IL16: variants seen among roughly 807,000 people sequenced by gnomAD.
IL16 encodes pro-interleukin-16.
A neutral mutation model predicts 110.1 loss-of-function variants in IL16; 67 were observed. The observed-to-expected ratio is 0.61, with a 90% CI of 0.50 to 0.75. The LOEUF is 0.75. Ranked by LOEUF, IL16 falls within the 30% of genes least tolerant of loss-of-function variation. IL16 has a pLI of 0.00. For missense variants in IL16, 1,545 were observed against 1,655.0 expected (o/e 0.93, Z 1.15); for synonymous variants, 689 against 662.9 (o/e 1.04, Z -0.61).
At chr15:81,186,348 A>G (rs1895418762) in intron 1 of IL16, among the ~76,000 whole-genome samples, 1 of 152,234 alleles carries the variant, frequency 6.6e-6, no homozygotes, top group Admixed American at 6.5e-5. Flanking sequence ...AGGGAGTTTA[A>G]CCAGGTGGTG....
intron 9 of IL16, among the ~76,000 whole-genome samples, chr15:81,284,110 A>G (rs1899329680): frequency 6.6e-6 from 1 of 152,160 alleles, no homozygotes; most frequent in African/African-American, 2.4e-5. Flanking sequence ...TATTTTTTAT[A>G]AATAATTTCT....
intron 2 of IL16, among the ~76,000 whole-genome samples, chr15:81,248,582 T>C (rs983145884): frequency 1.3e-5 from 2 of 150,564 alleles, no homozygotes; most frequent in African/African-American, 4.8e-5. Context: ...AATTATTTCA[T>C]GTTTAATACT....
At chr15:81,284,453 C>T (rs1360633115) in intron 9 of IL16, among the ~76,000 whole-genome samples, 1 of 152,150 alleles carries the variant, frequency 6.6e-6, no homozygotes, top group Non-Finnish European at 1.5e-5. Context: ...ACTGCAGGTT[C>T]CATGTGGTTG....
intron 2 of IL16, among the ~76,000 whole-genome samples, chr15:81,231,246 G>A (rs549338340): frequency 1.3e-5 from 2 of 151,704 alleles, no homozygotes; most frequent in African/African-American, 4.8e-5. Flanking sequence ...GCAAGCAGGC[G>A]GGCAGGAAAG....
intron 2 of IL16, among the ~76,000 whole-genome samples, chr15:81,226,256 G>A (rs1896785106): frequency 6.6e-6 from 1 of 152,194 alleles, no homozygotes; most frequent in Non-Finnish European, 1.5e-5. Flanking sequence ...CATCAATAGG[G>A]GAGGGGGAAA....
In IL16 at chr15:81,231,037, T is replaced by A. The variant is rs556338494; in HGVS notation, c.312+5326T>A. Among the ~76,000 whole-genome samples, 20 of 152,062 alleles carry A rather than the reference T, an allele frequency of 1.3e-4. 1 individual carries two copies. In the South Asian group the frequency reaches 1.7e-3, roughly 13 times the overall value. ...TCAGAAGTCAAACCTGGCCCCAGAT[T>A]CACAAATAAATCATTTTCTGGCTGG... On this transcript the variant is annotated intron_variant, in intron 2 of 18. Transcript: ENST00000683961.
intron 1 of IL16, among the ~76,000 whole-genome samples, chr15:81,205,358 C>G (rs578068956): frequency 1.8e-4 from 28 of 151,974 alleles, no homozygotes; most frequent in African/African-American, 6.8e-4. Flanking sequence ...ATGATGTCCC[C>G]TAAATAGTCA....
chr15:81,216,342 G>GT (rs1278888099), intron 1 of IL16, among the ~76,000 whole-genome samples: 1 of 152,182 alleles, frequency 6.6e-6, no homozygotes, highest in Non-Finnish European at 1.5e-5. Flanking sequence ...GCATCCTTCA[G>GT]TTCCCTCACT....
chr15:81,289,945 G>T, intron 10 of IL16: 1 of 453,438 alleles, frequency 2.2e-6, no homozygotes, highest in South Asian at 1.6e-5. Context: ...AACTTGTCTA[G>T]GTGTTCACAC....
intron 2 of IL16, among the ~76,000 whole-genome samples, chr15:81,248,724 T>C (rs1272452330): frequency 7.0e-6 from 1 of 142,868 alleles, no homozygotes; most frequent in African/African-American, 2.6e-5. Context: ...TCTTTCTTTT[T>C]TTTTTTTTTT....
At chr15:81,206,859 T>A (rs1896035232) in intron 1 of IL16, among the ~76,000 whole-genome samples, 1 of 145,090 alleles carries the variant, frequency 6.9e-6, no homozygotes, top group Admixed American at 6.8e-5. Context: ...AATTTCGGGC[T>A]TTAAATAATG....
At chr15:81,289,143 T>C (rs1281819794) in intron 10 of IL16, among the ~76,000 whole-genome samples, 1 of 152,104 alleles carries the variant, frequency 6.6e-6, no homozygotes, top group Non-Finnish European at 1.5e-5. Flanking sequence ...GCCAATACTT[T>C]GTTATTTTCT....
intron 5 of IL16, among the ~76,000 whole-genome samples, chr15:81,271,145 A>C (rs1339574676): frequency 1.3e-5 from 2 of 152,102 alleles, no homozygotes; most frequent in Non-Finnish European, 2.9e-5. Flanking sequence ...ATAGACGTGC[A>C]GCCGGGCGCA....
intron 1 of IL16, among the ~76,000 whole-genome samples, chr15:81,198,550 C>G (rs980399801): frequency 3.3e-5 from 5 of 152,018 alleles, no homozygotes; most frequent in Non-Finnish European, 7.4e-5. Flanking sequence ...TCATGGAAAC[C>G]TTTTTAGAAT....
chr15:81,291,500 G>A (rs1023810114), intron 11 of IL16, among the ~76,000 whole-genome samples: 1 of 152,184 alleles, frequency 6.6e-6, no homozygotes, highest in African/African-American at 2.4e-5. Flanking sequence ...TAGGAGCTTG[G>A]CTGGCCTTGG....
intron 4 of IL16, among the ~76,000 whole-genome samples, chr15:81,268,714 GCAAA>G (rs1398472396): frequency 2.0e-5 from 3 of 152,252 alleles, no homozygotes; most frequent in Non-Finnish European, 2.9e-5. Context: ...GCTGAAAGTA[GCAAA>G]CAGTCTTAGA....
At chr15:81,236,656 A>T (rs114761818) in intron 2 of IL16, among the ~76,000 whole-genome samples, 4,148 of 152,204 alleles carry the variant, frequency 0.027, 164 homozygotes, top group African/African-American at 0.094. Context: ...TGTTAGGTAG[A>T]AAAGAAGAGG....
At chr15:81,283,904 G>A (rs998797183) in intron 9 of IL16, among the ~76,000 whole-genome samples, 1 of 151,658 alleles carries the variant, frequency 6.6e-6, no homozygotes, top group African/African-American at 2.4e-5. Flanking sequence ...TTGGGAGGCT[G>A]AGGCAGGAGG....
intron 3 of IL16, among the ~76,000 whole-genome samples, chr15:81,263,348 TTTTTTTTG>T (rs1209811109): frequency 2.8e-3 from 110 of 38,986 alleles, no homozygotes; most frequent in African/African-American, 6.3e-3. Context: ...CAAAAACTAT[TTTTTTTTG>T]TTTTTTTTTT....
Sources: gnomAD v4.1 joint callset for allele counts (sites outside exome capture counted in the v4.1 genomes callset) on GRCh38, gnomAD v4.1.1 for gene constraint, MANE v1.5 for transcripts, NCBI Gene and HGNC (gene_info 2026-07-23, HGNC 2026-07-21) for gene names.